OSBPL9: variants seen among roughly 807,000 people sequenced by gnomAD.
OSBPL9 encodes oxysterol binding protein like 9.
In OSBPL9, 40 loss-of-function variants were observed where a neutral mutation model predicts 106.6. The observed-to-expected ratio is 0.38, with a 90% CI of 0.29 to 0.49. OSBPL9 has a LOEUF of 0.49. OSBPL9 is among the 20% of genes least tolerant of loss of function. The pLI is 0.97. For missense variants in OSBPL9, 609 were observed against 887.2 expected (o/e 0.69, Z 3.98); for synonymous variants, 269 against 295.4 (o/e 0.91, Z 0.92).
intron 4 of OSBPL9, among the ~76,000 whole-genome samples, chr1:51,737,545 G>GGTGTGTGT (rs57886494): frequency 7.7e-4 from 110 of 142,534 alleles, no homozygotes; most frequent in African/African-American, 1.8e-3. Context: ...ATATTTCAGG[G>GGTGTGTGT]GTGTGTGTGT....
chr1:51,544,837 CTTTTTTTTTT>C, the OSBPL9 span, among the ~76,000 whole-genome samples: 1 of 80,258 alleles, frequency 1.2e-5, no homozygotes. Context: ...AAGAGACATG[CTTTTTTTTTT>C]TTTTTTTTTT....
At chr1:51,578,354 C>T (rs370282082) in intron 1 of OSBPL9, among the ~76,000 whole-genome samples, 8 of 152,234 alleles carry the variant, frequency 5.3e-5, no homozygotes, top group African/African-American at 1.9e-4. Context: ...TGAACAGTAT[C>T]AATACAAATG....
At chr1:51,522,851 T>G in the OSBPL9 span, among the ~76,000 whole-genome samples, 5 of 152,192 alleles carry the variant, frequency 3.3e-5, no homozygotes, top group African/African-American at 1.2e-4. Flanking sequence ...GAATAGATGT[T>G]CAATAAGTAG....
intron 7 of OSBPL9, among the ~76,000 whole-genome samples, chr1:51,748,874 T>G (rs546887192): frequency 3.9e-5 from 6 of 151,978 alleles, no homozygotes; most frequent in Non-Finnish European, 8.8e-5. Context: ...TCACCTGAGG[T>G]TGGGAGTTCC....
At chr1:51,582,905 T>A (rs1389511604) in intron 1 of OSBPL9, 1 of 151,852 alleles carries the variant, frequency 6.6e-6, no homozygotes, top group Non-Finnish European at 1.5e-5. Flanking sequence ...CCAGGCAACA[T>A]GGTGAAATTC....
the OSBPL9 span, among the ~76,000 whole-genome samples, chr1:51,526,038 A>G: frequency 6.6e-6 from 1 of 152,026 alleles, no homozygotes; most frequent in Non-Finnish European, 1.5e-5. Context: ...CACCACACCC[A>G]GCTAATTTTT....
At chr1:51,565,708 C>T in the OSBPL9 span, 6 of 152,154 alleles carry the variant, frequency 3.9e-5, no homozygotes, top group Non-Finnish European at 8.8e-5. Context: ...ATCAGCCTGA[C>T]CCCAGAGTTT....
intron 1 of OSBPL9, among the ~76,000 whole-genome samples, chr1:51,620,554 G>A (rs1644361575): frequency 6.6e-6 from 1 of 152,148 alleles, no homozygotes; most frequent in African/African-American, 2.4e-5. Flanking sequence ...TGACTTGAAT[G>A]ATGAGGAGAG....
the OSBPL9 span, among the ~76,000 whole-genome samples, chr1:51,539,986 G>A: frequency 5.9e-5 from 9 of 152,126 alleles, no homozygotes; most frequent in African/African-American, 1.7e-4. Context: ...CTTTCACACC[G>A]CAACCCCCAT....
the OSBPL9 span, among the ~76,000 whole-genome samples, chr1:51,523,083 C>T: frequency 1.1e-4 from 17 of 151,842 alleles, no homozygotes; most frequent in Non-Finnish European, 2.4e-4. Flanking sequence ...ATAGTGAGAC[C>T]TCGTCTCTAT....
chr1:51,607,820 G>A (rs1490629236), intron 2 of OSBPL9, among the ~76,000 whole-genome samples: 1 of 152,238 alleles, frequency 6.6e-6, no homozygotes, highest in Non-Finnish European at 1.5e-5. Flanking sequence ...AAGTTTTAGA[G>A]CAGGAATGAA....
intron 3 of OSBPL9, among the ~76,000 whole-genome samples, chr1:51,697,076 C>T (rs1656180315): frequency 6.6e-6 from 1 of 151,726 alleles, no homozygotes; most frequent in Non-Finnish European, 1.5e-5. Context: ...AGGAGGATCG[C>T]CTGAGCTGAG....
At chr1:51,548,774 T>TA in the OSBPL9 span, among the ~76,000 whole-genome samples, 1 of 152,152 alleles carries the variant, frequency 6.6e-6, no homozygotes, top group Non-Finnish European at 1.5e-5. Flanking sequence ...GCAGCAGCTT[T>TA]AAAAAATATT....
At chr1:51,630,837 A>G (rs953164769) in intron 1 of OSBPL9, among the ~76,000 whole-genome samples, 6 of 152,194 alleles carry the variant, frequency 3.9e-5, no homozygotes, top group African/African-American at 1.4e-4. Flanking sequence ...AAACACAAGC[A>G]CATTGTACAG....
intron 1 of OSBPL9, among the ~76,000 whole-genome samples, chr1:51,642,570 A>T (rs1237766778): frequency 6.6e-6 from 1 of 152,164 alleles, no homozygotes; most frequent in African/African-American, 2.4e-5. Flanking sequence ...ACAAGGAAAA[A>T]TTATTTTTCT....
chr1:51,615,799 T>A (rs989563781), upstream of OSBPL9, among the ~76,000 whole-genome samples: 2 of 152,130 alleles, frequency 1.3e-5, no homozygotes, highest in African/African-American at 4.8e-5. Context: ...AACCACCCCC[T>A]ATAAATTAGC....
In OSBPL9 at chr1:51,672,269, G is replaced by A. The variant is rs536085301; in HGVS notation, c.241+2757G>A. Among the ~76,000 whole-genome samples, 24 of 152,340 alleles carry A rather than the reference G, an allele frequency of 1.6e-4. No individual in the cohort carries two copies. The South Asian group carries it at 4.8e-3, about 30-fold the overall frequency. ...GTTGTAAACCAGAAGAGAGGTGGTAGTGGCTCCCACATGGTAGCAGTGGAG... is the reference window on the plus strand; with the variant it reads ...GTTGTAAACCAGAAGAGAGGTGGTAATGGCTCCCACATGGTAGCAGTGGAG... On this transcript the variant is annotated intron_variant, in intron 3 of 23. Transcript: ENST00000428468.
chr1:51,712,477 CTT>C (rs1050627589), intron 3 of OSBPL9, among the ~76,000 whole-genome samples: 2 of 152,116 alleles, frequency 1.3e-5, no homozygotes, highest in Non-Finnish European at 2.9e-5. Flanking sequence ...GACTTACTGT[CTT>C]TTGTTCTCAT....
At chr1:51,782,686 TTCTG>T (rs1179831411) in intron 17 of OSBPL9, 43 bp downstream of exon 17, 36 of 1,580,110 alleles carry the variant, frequency 2.3e-5, no homozygotes, top group Non-Finnish European at 3.0e-5. Context: ...CTCAAAACTA[TTCTG>T]TCTAAAGAGG....
Sources: gnomAD v4.1 joint callset for allele counts (sites outside exome capture counted in the v4.1 genomes callset) on GRCh38, gnomAD v4.1.1 for gene constraint, MANE v1.5 for transcripts, NCBI Gene and HGNC (gene_info 2026-07-23, HGNC 2026-07-21) for gene names.